The following CLCN3 variants were observed in gnomAD, a reference collection of about 807,000 sequenced individuals.
The protein encoded by CLCN3 is Cl-/H+ antiporter 3.
CLCN3 carries 16 observed loss-of-function variants against 83.4 expected under a neutral mutation model. The ratio of observed to expected loss-of-function variants is 0.19; its 90% confidence interval spans 0.13 to 0.29. CLCN3 has a LOEUF of 0.29. CLCN3 is among the 10% of genes least tolerant of loss of function. CLCN3 has a pLI of 1.00. For synonymous variants in CLCN3, 322 were observed against 346.2 expected (o/e 0.93, Z 0.78); for missense variants, 544 against 1,006.0 (o/e 0.54, Z 6.21).
chr4:169,667,283 A>C (rs547134937), intron 2 of CLCN3, among the ~76,000 whole-genome samples: 2 of 151,622 alleles, frequency 1.3e-5, no homozygotes, highest in East Asian at 3.9e-4. Context: ...ATTTCTTTAA[A>C]GAATAATGAA....
intron 2 of CLCN3, among the ~76,000 whole-genome samples, chr4:169,678,950 G>A (rs1200264987): frequency 6.6e-6 from 1 of 152,234 alleles, no homozygotes; most frequent in Non-Finnish European, 1.5e-5. Context: ...CAGGGTGGCG[G>A]CCAGGCAGAG....
Position 169,687,567 on chromosome 4 carries a change from A to G in CLCN3, c.319-91A>G, listed in dbSNP as rs1363049112. On this transcript the variant is annotated intron_variant, in intron 3 of 12. Coordinates refer to ENST00000513761, the MANE Select transcript of CLCN3 (RefSeq NM_001829.4). ...TATTTAGTTCTGAAATTACTGTTCTATGTATGGTAAATGAGAAAAATTGCT... is the reference window on the plus strand; with the variant it reads ...TATTTAGTTCTGAAATTACTGTTCTGTGTATGGTAAATGAGAAAAATTGCT... The G allele has an allele frequency of 1.4e-5, 11 of 768,008 alleles. No homozygotes were observed. The Admixed American group carries it at 2.0e-4, about 14-fold the overall frequency. 47.6% of individuals were successfully genotyped at this position (768,008 alleles called of 1,614,324 possible).
intron 9 of CLCN3, among the ~76,000 whole-genome samples, chr4:169,702,159 A>G (rs1732812839): frequency 1.3e-5 from 2 of 152,060 alleles, no homozygotes; most frequent in Admixed American, 6.6e-5. Context: ...ACCAATTATT[A>G]CTTTAGAGAG....
intron 6 of CLCN3, among the ~76,000 whole-genome samples, chr4:169,691,282 G>T (rs1732363184): frequency 6.6e-6 from 1 of 151,996 alleles, no homozygotes; most frequent in African/African-American, 2.4e-5. Flanking sequence ...CTCCCAAAGT[G>T]CTGGGATTAC....
intron 1 of CLCN3, among the ~76,000 whole-genome samples, chr4:169,633,819 T>C (rs1773440737): frequency 6.6e-6 from 1 of 152,192 alleles, no homozygotes; most frequent in East Asian, 1.9e-4. Context: ...GTCTTAGAAA[T>C]CTGGTAGGTA....
chr4:169,698,832 T>C (rs1732669109), intron 9 of CLCN3, among the ~76,000 whole-genome samples: 1 of 152,188 alleles, frequency 6.6e-6, no homozygotes, highest in Non-Finnish European at 1.5e-5. Context: ...AGAGTCTTGT[T>C]TTTTGCCTTT....
rs1773096865 is a variant in CLCN3, at chr4:169,620,951, G to A, written c.-129G>A. 5.0e-6 allele frequency: 2 copies of A among 398,520 alleles called. No individual in the cohort carries two copies. The highest frequency in any genetic ancestry group is 3.6e-5 in the East Asian group (1 of 28,068). 24.7% of individuals were successfully genotyped at this position (398,520 alleles called of 1,614,324 possible). On this transcript the variant is annotated 5_prime_UTR_variant, in exon 1 of 13. Coordinates refer to ENST00000513761, the MANE Select transcript of CLCN3 (RefSeq NM_001829.4). ...ATCGCGATAGTTTTCGCTGTGTCAG[G>A]CTTTCTTCGGTGGAGCTCCGAGGGT...
rs1265010081 is a variant in CLCN3, at chr4:169,721,983, A to G, written c.*1986A>G. 2.6e-5 allele frequency: 4 copies of G among 152,004 alleles called. No homozygotes were observed. The highest frequency in any genetic ancestry group is 5.9e-5 in the Non-Finnish European group (4 of 68,018). 9.4% of individuals were successfully genotyped at this position (152,004 alleles called of 1,614,324 possible). A position where few individuals can be genotyped will look rare whatever the true frequency, so the allele number is the denominator to read the frequency against. ...GGGCACACGCCACCATGCCCAGCTA[A>G]TTTTTTTGTATTTTTAGTAGAGATG... On this transcript the variant is annotated 3_prime_UTR_variant, in exon 13 of 13. Transcript: ENST00000513761.
intron 1 of CLCN3, among the ~76,000 whole-genome samples, chr4:169,625,746 A>C (rs1560823892): frequency 1.3e-5 from 2 of 152,224 alleles, no homozygotes; most frequent in Non-Finnish European, 2.9e-5. Flanking sequence ...ATTAATTACC[A>C]GGTCCTCTTA....
intron 1 of CLCN3, among the ~76,000 whole-genome samples, chr4:169,625,370 G>A (rs1773208114): frequency 6.6e-6 from 1 of 152,100 alleles, no homozygotes. Flanking sequence ...TCTCCTTTAT[G>A]GGAGAGACAA....
At chr4:169,665,206 C>A (rs1334404513) in intron 2 of CLCN3, among the ~76,000 whole-genome samples, 1 of 152,142 alleles carries the variant, frequency 6.6e-6, no homozygotes, top group South Asian at 2.1e-4. Context: ...TCATCTCTAA[C>A]TAAGGATGTG....
At chr4:169,707,910 A>G (rs942214334) in intron 11 of CLCN3, among the ~76,000 whole-genome samples, 5 of 152,194 alleles carry the variant, frequency 3.3e-5, no homozygotes, top group Admixed American at 1.3e-4. Flanking sequence ...TAAACTTTCT[A>G]TAGTTCTGTT....
At chr4:169,626,389 A>G (rs938331628) in intron 1 of CLCN3, among the ~76,000 whole-genome samples, 14 of 152,228 alleles carry the variant, frequency 9.2e-5, no homozygotes, top group Admixed American at 3.9e-4. Flanking sequence ...GGCACAGTCA[A>G]CAACTGTGTA....
chr4:169,642,516 G>T (rs930233161), intron 2 of CLCN3, among the ~76,000 whole-genome samples: 1 of 151,936 alleles, frequency 6.6e-6, no homozygotes, highest in Non-Finnish European at 1.5e-5. Context: ...TTTGAGATGG[G>T]ATCTGGCTCT....
Position 169,697,716 on chromosome 4 carries a change from A to G in CLCN3, c.1545A>G (p.Val515=). ...TCATATTTAAAATCATAATGACAGT[A>G]TTCACTTTTGGCATCAAGGTAAGTG... ...LALIFKIIMT[V]FTFGIKVPSG... Residue 515 remains valine (V), a synonymous_variant, in exon 9 of 13, where the codon GTA becomes GTG. Coordinates refer to ENST00000513761, the MANE Select transcript of CLCN3 (RefSeq NM_001829.4). 2 of 1,608,238 alleles carry G rather than the reference A, an allele frequency of 1.2e-6. No homozygotes were observed. The highest frequency in any genetic ancestry group is 1.7e-6 in the Non-Finnish European group (2 of 1,177,472).
intron 2 of CLCN3, among the ~76,000 whole-genome samples, chr4:169,645,507 A>G (rs1730549599): frequency 6.6e-6 from 1 of 152,222 alleles, no homozygotes; most frequent in Admixed American, 6.5e-5. Flanking sequence ...AACTGAATTT[A>G]AACTTCCAGG....
intron 11 of CLCN3, among the ~76,000 whole-genome samples, chr4:169,712,020 G>A (rs1041091776): frequency 8.0e-6 from 1 of 125,282 alleles, no homozygotes; most frequent in Non-Finnish European, 1.8e-5. Flanking sequence ...ATGCTTGGCC[G>A]ATTTTTTTTT....
intron 10 of CLCN3, among the ~76,000 whole-genome samples, chr4:169,706,291 T>TC (rs1229179894): frequency 6.6e-6 from 1 of 152,120 alleles, no homozygotes; most frequent in Non-Finnish European, 1.5e-5. Context: ...TGCCTTGGCC[T>TC]CCCAAAGTGA....
intron 3 of CLCN3, among the ~76,000 whole-genome samples, chr4:169,683,973 C>A (rs989935112): frequency 6.6e-6 from 1 of 152,140 alleles, no homozygotes; most frequent in Non-Finnish European, 1.5e-5. Context: ...AAACTCCCGG[C>A]CTCAAGTGAT....
Sources: allele counts gnomAD v4.1 joint callset (sites outside exome capture counted in the v4.1 genomes callset), GRCh38; gene constraint gnomAD v4.1.1; transcripts MANE v1.5; gene names NCBI Gene and HGNC (gene_info 2026-07-23, HGNC 2026-07-21).